The following SPDL1 variants were observed in gnomAD, a reference collection of about 807,000 sequenced individuals.
SPDL1 encodes the protein protein Spindly.
SPDL1 carries 85 observed loss-of-function variants against 79.5 expected under a neutral mutation model. The ratio of observed to expected loss-of-function variants is 1.07; its 90% CI spans 0.90 to 1.28. SPDL1 has a LOEUF of 1.28. SPDL1 is among the 50% of genes most tolerant of loss of function. The pLI, the probability that SPDL1 is intolerant of heterozygous loss-of-function variation, is 0.00. For synonymous variants in SPDL1, 269 were observed against 240.3 expected, an observed-to-expected ratio of 1.12 and a Z score of -1.10; for missense variants, 703 against 697.8, an observed-to-expected ratio of 1.01 and a Z score of -0.08.
chr5:169,588,682 G>C, intron 2 of SPDL1, 107 bp downstream of exon 2: 1 of 1,044,284 alleles, frequency 9.6e-7, no homozygotes, highest in Non-Finnish European at 1.3e-6. Context: ...GAAGATTTTA[G>C]ATCTAGTTCC....
chr5:169,598,962 A>T lies in SPDL1; in HGVS notation c.1137-10A>T. On this transcript the variant is annotated splice_polypyrimidine_tract_variant and intron_variant, in intron 9 of 11. Transcript: ENST00000265295. ...TAATACTCGTTGGTTCTCCTTTTTTATTATCATAGCAAAGAAATTGAAAGC... is the reference window on the plus strand; with the variant it reads ...TAATACTCGTTGGTTCTCCTTTTTTTTTATCATAGCAAAGAAATTGAAAGC... The T allele has an allele frequency of 6.6e-7, 1 of 1,519,784 alleles. No individual in the cohort carries two copies. 94.1% of individuals were successfully genotyped at this position (1,519,784 alleles called of 1,614,324 possible).
At chr5:169,592,417 A>G (rs143063990) in intron 3 of SPDL1, among the ~76,000 whole-genome samples, 3,221 of 151,958 alleles carry the variant, frequency 0.021, 76 homozygotes, top group Middle Eastern at 0.054. Context: ...GGGTTTCACC[A>G]TGTTGGTCAG....
chr5:169,592,805 CTTTTTT>C (rs11301691), intron 3 of SPDL1, among the ~76,000 whole-genome samples: 2 of 85,014 alleles, frequency 2.4e-5, no homozygotes, highest in Non-Finnish European at 4.7e-5. Context: ...ATAGAGATGG[CTTTTTT>C]TTTTTTTTTT....
Position 169,591,235 on chromosome 5 carries a change from C to T in SPDL1, c.336+11C>T, listed in dbSNP as rs368178256. On this transcript the variant is annotated intron_variant, in intron 3 of 11. Coordinates refer to ENST00000265295, the MANE Select transcript of SPDL1 (RefSeq NM_017785.5). ...GAACTAAAAACTAAGGTTGGGATATCTGCGTATTTCAGCACAAAATATTCC... is the reference window on the plus strand; with the variant it reads ...GAACTAAAAACTAAGGTTGGGATATTTGCGTATTTCAGCACAAAATATTCC... 8 of 1,606,376 alleles carry T rather than the reference C, an allele frequency of 5.0e-6. No individual in the cohort carries two copies. The highest frequency in any genetic ancestry group is 6.0e-6 in the Non-Finnish European group (7 of 1,176,224).
chr5:169,591,632 T>C (rs965494018), intron 3 of SPDL1, among the ~76,000 whole-genome samples: 1 of 152,222 alleles, frequency 6.6e-6, no homozygotes, highest in African/African-American at 2.4e-5. Context: ...AATGACACTT[T>C]ATAGTTTGTT....
In SPDL1 at chr5:169,601,246, A is replaced by G. The variant is rs746598517; in HGVS notation, c.1325-34A>G. The G allele has an allele frequency of 2.6e-5, 40 of 1,559,052 alleles. 1 individual carries two copies. In the South Asian group the frequency reaches 4.0e-4, roughly 15 times the overall value. ...GTTGATTGTGTCTTTGTTTTCTTAG[A>G]TTTTTTCTTTTCCCCACTCGTTTTT... On this transcript the variant is annotated intron_variant, in intron 10 of 11. Coordinates refer to ENST00000265295, the MANE Select transcript of SPDL1 (RefSeq NM_017785.5).
At chr5:169,588,295 A>G in intron 1 of SPDL1, 99 bp from the exon 2 acceptor site, 1 of 765,324 alleles carries the variant, frequency 1.3e-6, no homozygotes, top group East Asian at 2.9e-5. Flanking sequence ...ATGTTTTTAT[A>G]CGACAGTAGT....
At chr5:169,601,673 T>G in intron 11 of SPDL1, 48 bp downstream of exon 11, 2 of 1,481,470 alleles carry the variant, frequency 1.4e-6, no homozygotes, top group Non-Finnish European at 1.9e-6. Flanking sequence ...TCTCCATCTC[T>G]CCTCTCTCGC....
chr5:169,604,378 T>C lies in SPDL1; in HGVS notation c.*171T>C. On this transcript the variant is annotated 3_prime_UTR_variant, in exon 12 of 12. Coordinates refer to ENST00000265295, the MANE Select transcript of SPDL1 (RefSeq NM_017785.5). ...GTTCAGAATTTGCTTGACTCTAACC[T>C]GGAGAGCTTCTTAAGTGATGCCCCT... 2.0e-6 allele frequency: 1 copy of C among 499,448 alleles called. No individual in the cohort carries two copies. The highest frequency in any genetic ancestry group is 3.3e-6 in the Non-Finnish European group (1 of 302,164). The allele number at this position is 499,448 out of a possible 1,614,324, so 30.9% of individuals were successfully genotyped here.
In SPDL1 at chr5:169,604,598, G is replaced by A. The variant is rs1161712364; in HGVS notation, c.*391G>A. On this transcript the variant is annotated 3_prime_UTR_variant, in exon 12 of 12. Transcript: ENST00000265295. The stretch of plus-strand genomic sequence containing the variant: ...TATAAACTTAGTTTTAGACTATGTT[G>A]TAAAAATGGGAAGGTTGTAAACTAT... 1 of 152,516 alleles carries A rather than the reference G, an allele frequency of 6.6e-6. No homozygotes were observed. The highest frequency in any genetic ancestry group is 6.5e-5 in the Admixed American group (1 of 15,302). The allele number at this position is 152,516 out of a possible 1,614,324, so 9.4% of individuals were successfully genotyped here.
At chr5:169,589,602 T>C (rs541941147) in intron 2 of SPDL1, among the ~76,000 whole-genome samples, 33 of 151,984 alleles carry the variant, frequency 2.2e-4, no homozygotes, top group Non-Finnish European at 4.3e-4. Flanking sequence ...TGCTCTTGGG[T>C]TGAGTCCTCA....
chr5:169,588,196 C>A (rs1013683776), intron 1 of SPDL1, among the ~76,000 whole-genome samples, 198 bp from the exon 2 acceptor site: 3 of 152,082 alleles, frequency 2.0e-5, no homozygotes, highest in South Asian at 2.1e-4. Context: ...ATTTTTGATC[C>A]CAAATCAGTA....
Position 169,594,549 on chromosome 5 carries a change from T to A in SPDL1, c.781-22T>A, listed in dbSNP as rs115802288. 11,483 of 1,611,564 alleles carry A rather than the reference T, an allele frequency of 7.1e-3. 69 individuals carry two copies. Among genetic ancestry groups the A allele is most frequent in the Non-Finnish European group, 7.8e-3 (9,206 of 1,177,700 alleles). On this transcript the variant is annotated intron_variant, in intron 6 of 11. Coordinates refer to ENST00000265295, the MANE Select transcript of SPDL1 (RefSeq NM_017785.5). The stretch of plus-strand genomic sequence containing the variant: ...TATTTTCATTTACTACCAGAACAAT[T>A]AAGCATGTTAATATTTTGTAGGTGG...
At chr5:169,598,379 G>C in intron 8 of SPDL1, 97 bp from the exon 9 acceptor site, 1 of 760,102 alleles carries the variant, frequency 1.3e-6, no homozygotes, top group Non-Finnish European at 2.3e-6. Flanking sequence ...TACGCCAAGG[G>C]ATATAAATTC....
chr5:169,588,455 C>T lies in SPDL1; in HGVS notation c.39C>T (p.Leu13=). 6.2e-7 allele frequency: 1 copy of T among 1,613,142 alleles called. No homozygotes were observed. Among genetic ancestry groups the T allele is most frequent in the Non-Finnish European group, 8.5e-7 (1 of 1,179,586 alleles). ...TAATCACAAATCTTCGATGCAGGCT[C>T]AAAGAGGCTGAAGAAGAGCGACTAA... ...ADIITNLRCR[L]KEAEEERLKA... The change falls in exon 2 of 12, where the codon CTC becomes CTT. Residue 13 remains leucine, a synonymous_variant. Coordinates refer to ENST00000265295, the MANE Select transcript of SPDL1 (RefSeq NM_017785.5).
intron 11 of SPDL1, 91 bp from the exon 12 acceptor site, chr5:169,603,968 TG>T: frequency 1.5e-6 from 2 of 1,375,704 alleles, no homozygotes; most frequent in Non-Finnish European, 2.0e-6. Flanking sequence ...TTGAATACCA[TG>T]CCTTATTGGA....
chr5:169,596,707 T>C lies in SPDL1; in HGVS notation c.1032+6T>C. The C allele has an allele frequency of 6.4e-7, 1 of 1,560,082 alleles. No individual in the cohort carries two copies. The highest frequency in any genetic ancestry group is 1.2e-5 in the South Asian group (1 of 81,390). Reference sequence around the variant, plus strand: ...GAAATCTGGAGAAATTTAAGGTATGTATAACAGTTAAAAAAACACACATCC... The same window carrying C: ...GAAATCTGGAGAAATTTAAGGTATGCATAACAGTTAAAAAAACACACATCC... On this transcript the variant is annotated splice_donor_region_variant and intron_variant, in intron 8 of 11. Transcript: ENST00000265295.
At position 169,601,298 on chromosome 5, in the gene SPDL1, T is replaced by C; in HGVS notation, c.1343T>C (p.Val448Ala). ...TTCTCAGAGACAGTTGAAGTGCCTG[T>C]ACTGAAAAAGAGGCGTGAGGTGCTC... Reference protein sequence around the residue: ...YEPEETVEVPVLKKRREVLPV... With the variant: ...YEPEETVEVPALKKRREVLPV... The change falls in exon 11 of 12, where the codon GTA becomes GCA. Residue 448 changes from valine to alanine, a missense_variant. Transcript: ENST00000265295. The C allele has an allele frequency of 6.2e-7, 1 of 1,611,044 alleles. No individual in the cohort carries two copies. The highest frequency in any genetic ancestry group is 2.2e-5 in the East Asian group (1 of 44,840).
At chr5:169,594,333 C>A in intron 5 of SPDL1, 39 bp downstream of exon 5, 2 of 1,612,280 alleles carry the variant, frequency 1.2e-6, no homozygotes, top group South Asian at 1.1e-5. Context: ...TCCAATTTAT[C>A]ATAACTTATT....
Sources: gnomAD v4.1 joint callset for allele counts (sites outside exome capture counted in the v4.1 genomes callset) on GRCh38, gnomAD v4.1.1 for gene constraint, MANE v1.5 for transcripts, NCBI Gene and HGNC (gene_info 2026-07-23, HGNC 2026-07-21) for gene names.